TMBIM6: variants seen among roughly 807,000 people sequenced by gnomAD.
The protein encoded by TMBIM6 is bax inhibitor 1.
Under a neutral mutation model 31.4 loss-of-function variants are expected in TMBIM6, and 13 were observed. The ratio of observed to expected loss-of-function variants is 0.41; its 90% CI spans 0.27 to 0.66. The LOEUF (loss-of-function observed/expected upper bound fraction) is 0.66. Among genes scored for constraint, TMBIM6 ranks in the 30% least tolerant of loss-of-function variants. The pLI is 0.28. For missense variants in TMBIM6, 275 were observed against 289.5 expected (o/e 0.95, Z 0.36); for synonymous variants, 85 against 101.7 (o/e 0.84, Z 0.99).
At chr12:49,743,423 C>T (rs1350840443) in intron 1 of TMBIM6, 4 of 151,792 alleles carry the variant, frequency 2.6e-5, no homozygotes, top group East Asian at 1.9e-4. Flanking sequence ...TTAGTAGAGA[C>T]GGGCTTTTGC....
At chr12:49,758,051 C>T (rs960335476) in intron 4 of TMBIM6, among the ~76,000 whole-genome samples, 176 bp from the exon 5 acceptor site, 6 of 151,132 alleles carry the variant, frequency 4.0e-5, no homozygotes, top group African/African-American at 1.2e-4. Flanking sequence ...AAAAAAACAA[C>T]GCAGTCAGGT....
At chr12:49,745,725 A>AAAAAAAAAAAAAAAAAC (rs372273110) in intron 1 of TMBIM6, among the ~76,000 whole-genome samples, 1 of 105,430 alleles carries the variant, frequency 9.5e-6, no homozygotes, top group African/African-American at 6.2e-5. Flanking sequence ...ACTCTGTCTC[A>AAAAAAAAAAAAAAAAAC]AAAAAAAAAA....
At chr12:49,758,567 G>A in intron 6 of TMBIM6, 87 bp downstream of exon 6, 1 of 1,549,694 alleles carries the variant, frequency 6.5e-7, no homozygotes, top group East Asian at 2.2e-5. Context: ...TAACTCCTTT[G>A]CGACTATTGA....
chr12:49,759,970 G>A (rs935019465), intron 8 of TMBIM6, among the ~76,000 whole-genome samples: 1 of 151,590 alleles, frequency 6.6e-6, no homozygotes, highest in African/African-American at 2.4e-5. Context: ...AAATTAGTCG[G>A]GCGTGGTGGC....
At chr12:49,743,990 C>T (rs1244073881) in intron 1 of TMBIM6, among the ~76,000 whole-genome samples, 1 of 152,154 alleles carries the variant, frequency 6.6e-6, no homozygotes, top group Non-Finnish European at 1.5e-5. Context: ...CTGAAATAAC[C>T]TTAGGTAAAA....
intron 8 of TMBIM6, among the ~76,000 whole-genome samples, chr12:49,759,929 G>A (rs947861951): frequency 5.0e-4 from 76 of 151,726 alleles, no homozygotes; most frequent in Non-Finnish European, 5.3e-4. Context: ...TGGCTAACAC[G>A]GTGAAACCCT....
intron 8 of TMBIM6, among the ~76,000 whole-genome samples, chr12:49,760,591 C>T (rs929462765): frequency 8.0e-6 from 1 of 124,846 alleles, no homozygotes; most frequent in African/African-American, 3.1e-5. Context: ...GGCTGGAGTG[C>T]GGTGGCAACA....
intron 1 of TMBIM6, chr12:49,742,447 C>T (rs1357555875): frequency 2.1e-6 from 2 of 943,322 alleles, no homozygotes; most frequent in African/African-American, 1.7e-5. Flanking sequence ...GAATTACTAC[C>T]CGGTGCCAGC....
chr12:49,755,582 A>G, intron 3 of TMBIM6, 53 bp from the exon 4 acceptor site: 1 of 1,600,398 alleles, frequency 6.2e-7, no homozygotes, highest in Non-Finnish European at 8.5e-7. Context: ...CTCTTGCAAA[A>G]TAAATTTGAA....
At chr12:49,748,696 T>C (rs1211778713) in intron 1 of TMBIM6, among the ~76,000 whole-genome samples, 1 of 152,236 alleles carries the variant, frequency 6.6e-6, no homozygotes, top group African/African-American at 2.4e-5. Context: ...AAACGCAGTA[T>C]AGGCAGATTT....
At chr12:49,760,861 C>T (rs914378626) in intron 8 of TMBIM6, among the ~76,000 whole-genome samples, 8 of 148,624 alleles carry the variant, frequency 5.4e-5, no homozygotes, top group South Asian at 2.1e-4. Flanking sequence ...TTTTTTGAGA[C>T]GGAGTTTCGC....
intron 8 of TMBIM6, 43 bp from the exon 9 acceptor site, chr12:49,761,658 TAAA>T (rs767243144): frequency 6.3e-7 from 1 of 1,592,190 alleles, no homozygotes; most frequent in Non-Finnish European, 8.6e-7. Flanking sequence ...GGCTTGTGGA[TAAA>T]AAAGTCTGAA....
intron 8 of TMBIM6, among the ~76,000 whole-genome samples, chr12:49,760,364 C>G (rs1468669933): frequency 1.3e-5 from 2 of 152,052 alleles, no homozygotes; most frequent in Non-Finnish European, 2.9e-5. Context: ...AGTACTCCTG[C>G]CTCAGCCTCT....
At chr12:49,745,879 G>A (rs1475997380) in intron 1 of TMBIM6, among the ~76,000 whole-genome samples, 1 of 152,076 alleles carries the variant, frequency 6.6e-6, no homozygotes, top group Non-Finnish European at 1.5e-5. Context: ...AAGCGTTCTG[G>A]GCACATTTAA....
At chr12:49,754,080 CGTATT>C (rs771670804) in intron 3 of TMBIM6, among the ~76,000 whole-genome samples, 1 of 152,152 alleles carries the variant, frequency 6.6e-6, no homozygotes, top group South Asian at 2.1e-4. Flanking sequence ...TTTCAGTTCT[CGTATT>C]GTAAACAAAT....
At chr12:49,741,999 G>A in intron 1 of TMBIM6, 2 of 1,290,708 alleles carry the variant, frequency 1.5e-6, no homozygotes, top group South Asian at 2.8e-5. Context: ...CGAATTCAGA[G>A]CACGTCCTTC....
At chr12:49,760,187 T>C (rs922946439) in intron 8 of TMBIM6, among the ~76,000 whole-genome samples, 6 of 150,590 alleles carry the variant, frequency 4.0e-5, no homozygotes, top group Admixed American at 6.6e-5. Context: ...CAAGCAGAAG[T>C]GAGGGAAAGA....
chr12:49,760,037 G>C (rs184394214), intron 8 of TMBIM6, among the ~76,000 whole-genome samples: 1 of 148,384 alleles, frequency 6.7e-6, no homozygotes, highest in Non-Finnish European at 1.5e-5. Context: ...GTGTGAACCG[G>C]GGAGGCGGAG....
intron 4 of TMBIM6, 147 bp from the exon 5 acceptor site, chr12:49,758,080 A>T: frequency 1.2e-6 from 1 of 862,322 alleles, no homozygotes; most frequent in Non-Finnish European, 1.8e-6. Context: ...TATTGAAAAC[A>T]ATTACAGCGG....
Sources: allele counts gnomAD v4.1 joint callset (sites outside exome capture counted in the v4.1 genomes callset), GRCh38; gene constraint gnomAD v4.1.1; transcripts MANE v1.5; gene names NCBI Gene and HGNC (gene_info 2026-07-23, HGNC 2026-07-21).